ATP8A2: variants seen among roughly 807,000 people sequenced by gnomAD.
The protein encoded by ATP8A2 is ATPase phospholipid transporting 8A2, also known as phospholipid-transporting ATPase IB.
In ATP8A2, 100 loss-of-function variants were observed where a neutral mutation model predicts 165.6. That is an observed-to-expected ratio of 0.60 (90% CI 0.51 to 0.71). ATP8A2 has a LOEUF of 0.71. Ranked by LOEUF, ATP8A2 falls within the 30% of genes least tolerant of loss-of-function variation. The pLI, the probability that ATP8A2 is intolerant of heterozygous loss-of-function variation, is 0.00. For synonymous variants in ATP8A2, 543 were observed against 548.8 expected (o/e 0.99, Z 0.15); for missense variants, 1,227 against 1,479.5 (o/e 0.83, Z 2.80).
At chr13:25,568,261 T>A (rs1335873026) in intron 16 of ATP8A2, among the ~76,000 whole-genome samples, 1 of 152,196 alleles carries the variant, frequency 6.6e-6, no homozygotes, top group African/African-American at 2.4e-5. Flanking sequence ...TGGGATAAAT[T>A]TTCAAAGGTT....
At chr13:25,643,386 TG>T (rs2041586813) in intron 24 of ATP8A2, among the ~76,000 whole-genome samples, 1 of 152,196 alleles carries the variant, frequency 6.6e-6, no homozygotes, top group Admixed American at 6.6e-5. Context: ...TTTGTTGTTA[TG>T]ACAGTGTCTT....
chr13:25,475,055 G>A (rs1481221496), intron 2 of ATP8A2, among the ~76,000 whole-genome samples: 1 of 151,932 alleles, frequency 6.6e-6, no homozygotes, highest in African/African-American at 2.4e-5. Flanking sequence ...CCTGACCTCA[G>A]GTGATCCACC....
chr13:25,756,496 G>A (rs2044265305), intron 25 of ATP8A2, among the ~76,000 whole-genome samples: 1 of 152,090 alleles, frequency 6.6e-6, no homozygotes, highest in African/African-American at 2.4e-5. Flanking sequence ...TTATGTGAAA[G>A]CTTCCAAATG....
intron 27 of ATP8A2, among the ~76,000 whole-genome samples, chr13:25,799,058 A>T (rs1950559033): frequency 6.6e-6 from 1 of 151,932 alleles, no homozygotes; most frequent in South Asian, 2.1e-4. Flanking sequence ...TATAAGTTTT[A>T]TGTGGCACGG....
At chr13:25,446,349 G>A (rs150302790) in intron 1 of ATP8A2, among the ~76,000 whole-genome samples, 175 of 152,232 alleles carry the variant, frequency 1.1e-3, no homozygotes, top group Admixed American at 0.011. Flanking sequence ...CCAAATGAGC[G>A]CAGAATTTGT....
At chr13:25,971,149 C>T (rs1955902258) in intron 35 of ATP8A2, among the ~76,000 whole-genome samples, 1 of 151,954 alleles carries the variant, frequency 6.6e-6, no homozygotes, top group African/African-American at 2.4e-5. Flanking sequence ...AGTTTGGGGG[C>T]TCTGCCGCTC....
At chr13:25,748,272 A>G (rs555822409) in intron 25 of ATP8A2, among the ~76,000 whole-genome samples, 6 of 152,292 alleles carry the variant, frequency 3.9e-5, no homozygotes, top group South Asian at 2.1e-4. Flanking sequence ...TGTTGAAGAT[A>G]TTTCAGCAAA....
chr13:25,539,281 G>A (rs988119299), intron 7 of ATP8A2, among the ~76,000 whole-genome samples: 2 of 151,898 alleles, frequency 1.3e-5, no homozygotes, highest in South Asian at 2.1e-4. Context: ...AAATTTTTTT[G>A]TAGAGGCTCA....
In ATP8A2 at chr13:25,804,282, A is replaced by G. The variant is rs370110271; in HGVS notation, c.2680-23836A>G. ...TCTTGGCTGTGAAGGAGTGTTACCA[A>G]ATATTACAGCTTGTATTAAAAGTGT... is the stretch of plus-strand genomic sequence containing the variant. On this transcript the variant is annotated intron_variant, in intron 27 of 36. Transcript: ENST00000381655. Among the ~76,000 whole-genome samples, 42 of 152,294 alleles carry G rather than the reference A, an allele frequency of 2.8e-4. No homozygotes were observed. In the East Asian group the frequency reaches 5.4e-3, roughly 20 times the overall value.
At chr13:25,405,052 C>A (rs2033756770) in intron 1 of ATP8A2, among the ~76,000 whole-genome samples, 1 of 152,062 alleles carries the variant, frequency 6.6e-6, no homozygotes, top group Non-Finnish European at 1.5e-5. Context: ...AATTTCAAGT[C>A]GAGTGTGCTC....
chr13:25,568,558 C>T (rs2039381761), intron 16 of ATP8A2, among the ~76,000 whole-genome samples: 1 of 151,984 alleles, frequency 6.6e-6, no homozygotes, highest in African/African-American at 2.4e-5. Flanking sequence ...ATACAATAGG[C>T]AAATTCATAG....
chr13:25,797,453 A>G lies in ATP8A2; in HGVS notation c.2679+22494A>G, dbSNP rs780169197. On this transcript the variant is annotated intron_variant, in intron 27 of 36. Coordinates refer to ENST00000381655, the MANE Select transcript of ATP8A2 (RefSeq NM_016529.6). ...ACGAAAACTAAAAATTTAAAATTTT[A>G]TTAAAAAATAAAATAATAATTTACA... 5.9e-5 allele frequency among the ~76,000 whole-genome samples: 9 copies of G among 152,178 alleles called. 1 individual carries two copies. The highest frequency in any genetic ancestry group is 1.0e-4 in the Non-Finnish European group (7 of 68,020).
intron 26 of ATP8A2, among the ~76,000 whole-genome samples, chr13:25,771,189 A>G (rs1423601604): frequency 6.6e-6 from 1 of 152,228 alleles, no homozygotes; most frequent in Non-Finnish European, 1.5e-5. Flanking sequence ...TAGGTGGGAA[A>G]ACCGGGGTTC....
chr13:25,905,995 C>T (rs1953925670), intron 33 of ATP8A2, among the ~76,000 whole-genome samples: 1 of 152,148 alleles, frequency 6.6e-6, no homozygotes, highest in Non-Finnish European at 1.5e-5. Flanking sequence ...TATTACACTT[C>T]TCCCAACTCT....
chr13:25,432,663 CA>C (rs1309057026), intron 1 of ATP8A2, among the ~76,000 whole-genome samples: 1 of 138,912 alleles, frequency 7.2e-6, no homozygotes, highest in Non-Finnish European at 1.6e-5. Context: ...TTCTTCCTGT[CA>C]TTTTTTTTTT....
At chr13:25,829,469 C>T (rs1951400090) in intron 28 of ATP8A2, among the ~76,000 whole-genome samples, 1 of 151,616 alleles carries the variant, frequency 6.6e-6, no homozygotes, top group Non-Finnish European at 1.5e-5. Context: ...CTCTGTACCT[C>T]CTGAAACTAT....
intron 24 of ATP8A2, among the ~76,000 whole-genome samples, chr13:25,644,261 C>T (rs1003620998): frequency 1.3e-5 from 2 of 152,022 alleles, no homozygotes; most frequent in Admixed American, 6.6e-5. Flanking sequence ...GGCAAGGAAT[C>T]CAACATTCAA....
chr13:25,855,049 G>A (rs541349973), intron 30 of ATP8A2, among the ~76,000 whole-genome samples: 2 of 152,106 alleles, frequency 1.3e-5, no homozygotes, highest in South Asian at 4.2e-4. Flanking sequence ...TCAGGAGTTC[G>A]AGACCAGCCT....
chr13:25,391,177 A>G (rs566490447), intron 1 of ATP8A2, among the ~76,000 whole-genome samples: 1 of 152,328 alleles, frequency 6.6e-6, no homozygotes, highest in Non-Finnish European at 1.5e-5. Context: ...TCTGGGAAGA[A>G]TCAGTAAATC....
Sources: allele counts gnomAD v4.1 joint callset (sites outside exome capture counted in the v4.1 genomes callset), GRCh38; gene constraint gnomAD v4.1.1; transcripts MANE v1.5; gene names NCBI Gene and HGNC (gene_info 2026-07-23, HGNC 2026-07-21).